The following RBFOX1 variants were observed in gnomAD, a reference collection of about 807,000 sequenced individuals.
The protein encoded by RBFOX1 is RNA binding fox-1 homolog 1.
RBFOX1 carries 8 observed loss-of-function variants against 57.7 expected under a neutral mutation model. The ratio of observed to expected loss-of-function variants is 0.14; its 90% confidence interval spans 0.08 to 0.25. RBFOX1 has a LOEUF of 0.25. Among genes scored for constraint, RBFOX1 ranks in the 10% least tolerant of loss-of-function variants. RBFOX1 has a pLI of 1.00. For missense variants in RBFOX1, 611 were observed against 548.5 expected, an observed-to-expected ratio of 1.11 and a Z score of -1.14; for synonymous variants, 326 against 222.4, an observed-to-expected ratio of 1.47 and a Z score of -4.15.
chr16:7,623,604 A>G (rs1434947858), intron 10 of RBFOX1, among the ~76,000 whole-genome samples: 2 of 152,200 alleles, frequency 1.3e-5, no homozygotes, highest in Admixed American at 6.5e-5. Flanking sequence ...GCGGCTGTCA[A>G]TACACATGAA....
intron 3 of RBFOX1, among the ~76,000 whole-genome samples, chr16:6,897,125 C>T (rs968477176): frequency 6.6e-6 from 1 of 152,124 alleles, no homozygotes; most frequent in African/African-American, 2.4e-5. Flanking sequence ...CATAAGAAAA[C>T]CATTGCTGAC....
chr16:5,840,718 A>G (rs935959408), intron 3 of RBFOX1, among the ~76,000 whole-genome samples: 1 of 152,166 alleles, frequency 6.6e-6, no homozygotes, highest in African/African-American at 2.4e-5. Flanking sequence ...GTGAAGCAGA[A>G]GGAGCCTTCT....
intron 4 of RBFOX1, among the ~76,000 whole-genome samples, chr16:7,430,643 G>A (rs2098669947): frequency 7.1e-6 from 1 of 140,672 alleles, no homozygotes; most frequent in Admixed American, 7.4e-5. Flanking sequence ...CTGGGTGACA[G>A]AGTGAGACTC....
At chr16:7,249,228 G>A (rs983819233) in intron 4 of RBFOX1, among the ~76,000 whole-genome samples, 1 of 152,154 alleles carries the variant, frequency 6.6e-6, no homozygotes, top group African/African-American at 2.4e-5. Flanking sequence ...GGGTGGGTTT[G>A]TTTCCATTCC....
rs1429718954 is a variant in RBFOX1, at chr16:7,711,758, C to A, written c.*1013C>A. 1 of 152,570 alleles carries A rather than the reference C, an allele frequency of 6.6e-6. No homozygotes were observed. The highest frequency in any genetic ancestry group is 1.5e-5 in the Non-Finnish European group (1 of 68,032). The allele number at this position is 152,570 out of a possible 1,614,324, so 9.5% of individuals were successfully genotyped here. ...AGCCTAGTAGAACAACTGTTAGAGA[C>A]AGACGTATAATTTTTATGGAATTAC... is the stretch of plus-strand genomic sequence containing the variant. On this transcript the variant is annotated 3_prime_UTR_variant, in exon 16 of 16. Coordinates refer to ENST00000550418, the MANE Select transcript of RBFOX1 (RefSeq NM_018723.4).
In RBFOX1 at chr16:6,870,188, C is replaced by G. The variant is rs903278990; in HGVS notation, c.-15-181869C>G. Among the ~76,000 whole-genome samples the G allele has an allele frequency of 2.8e-4, 43 of 152,026 alleles. 2 individuals are homozygous for G. Among genetic ancestry groups the G allele is most frequent in the Admixed American group, 2.1e-3 (32 of 15,250 alleles). ...ATGAGTTTAGGGTTTGGCCCGAAAA[C>G]CTTATTTCATCTAGAATTTTGCAGG... On this transcript the variant is annotated intron_variant, in intron 3 of 15. Transcript: ENST00000550418.
intron 1 of RBFOX1, among the ~76,000 whole-genome samples, chr16:6,054,624 T>A (rs1035332755): frequency 1.3e-5 from 2 of 152,144 alleles, no homozygotes; most frequent in African/African-American, 2.4e-5. Flanking sequence ...AAATCATGAG[T>A]TTCTTCTTGT....
chr16:5,468,711 A>G (rs77726343), intron 2 of RBFOX1, among the ~76,000 whole-genome samples: 20,305 of 152,254 alleles, frequency 0.13, 1,448 homozygotes, highest in Middle Eastern at 0.26. Context: ...CATAAAAAGG[A>G]AGGAAGCAGA....
chr16:5,871,842 A>T (rs1264890125), intron 4 of RBFOX1, among the ~76,000 whole-genome samples: 1 of 152,232 alleles, frequency 6.6e-6, no homozygotes, highest in East Asian at 1.9e-4. Flanking sequence ...CAATTTTGAT[A>T]AATTGGCCTG....
At chr16:5,935,762 G>A (rs1023338175) in intron 4 of RBFOX1, among the ~76,000 whole-genome samples, 9 of 152,316 alleles carry the variant, frequency 5.9e-5, no homozygotes, top group Non-Finnish European at 1.0e-4. Context: ...TCTACTTAGC[G>A]GCAGGGCCAG....
At chr16:6,092,919 C>T (rs944759087) in intron 1 of RBFOX1, 2 of 151,852 alleles carry the variant, frequency 1.3e-5, no homozygotes, top group Non-Finnish European at 2.9e-5. Context: ...TTTTTAATTC[C>T]TATGGTGGGA....
intron 1 of RBFOX1, among the ~76,000 whole-genome samples, chr16:5,344,828 A>G (rs1476047443): frequency 6.6e-6 from 1 of 152,232 alleles, no homozygotes; most frequent in Non-Finnish European, 1.5e-5. Context: ...AAATAGGGCC[A>G]CTGCAGGTCA....
At chr16:5,652,035 G>T (rs2049257720) in intron 3 of RBFOX1, among the ~76,000 whole-genome samples, 1 of 152,128 alleles carries the variant, frequency 6.6e-6, no homozygotes, top group South Asian at 2.1e-4. Context: ...TTGGGAGGCT[G>T]AGGCACAGGA....
intron 4 of RBFOX1, among the ~76,000 whole-genome samples, chr16:7,270,940 G>T (rs2095305142): frequency 6.6e-6 from 1 of 152,150 alleles, no homozygotes; most frequent in Non-Finnish European, 1.5e-5. Flanking sequence ...GAGACTTAGG[G>T]GTTACGGTGG....
chr16:5,922,864 T>G (rs1236935478), intron 4 of RBFOX1, among the ~76,000 whole-genome samples: 1 of 152,216 alleles, frequency 6.6e-6, no homozygotes, highest in African/African-American at 2.4e-5. Flanking sequence ...TTTGAAAGAT[T>G]GCAACCACTG....
intron 4 of RBFOX1, among the ~76,000 whole-genome samples, chr16:5,989,075 C>T (rs1367224422): frequency 6.6e-6 from 1 of 151,532 alleles, no homozygotes; most frequent in Non-Finnish European, 1.5e-5. Context: ...AATCCCAGCA[C>T]TTTGGGAGGC....
rs895534998 is a variant in RBFOX1 at position 6,959,433 on chromosome 16, G to A, written c.-15-92624G>A. Among the ~76,000 whole-genome samples the A allele has an allele frequency of 1.3e-4, 20 of 152,340 alleles. 1 individual carries two copies. Among genetic ancestry groups the A allele is most frequent in the African/African-American group, 4.3e-4 (18 of 41,584 alleles). ...TGTACTTCACGCTTATCACAGCAGGGATGAAGGCAGAAGTTGGAATAAAAT... is the reference window on the plus strand; with the variant it reads ...TGTACTTCACGCTTATCACAGCAGGAATGAAGGCAGAAGTTGGAATAAAAT... On this transcript the variant is annotated intron_variant, in intron 3 of 15. Transcript: ENST00000550418.
chr16:6,626,196 C>A (rs1450195250), intron 2 of RBFOX1, among the ~76,000 whole-genome samples: 1 of 148,762 alleles, frequency 6.7e-6, no homozygotes, highest in Non-Finnish European at 1.5e-5. Flanking sequence ...TGACCTTCTG[C>A]TGTCCATCAG....
chr16:6,107,169 G>C lies in RBFOX1; in HGVS notation c.-127+87177G>C, dbSNP rs117203441. Among the ~76,000 whole-genome samples, 1,240 of 152,046 alleles carry C rather than the reference G, an allele frequency of 8.2e-3. 31 individuals carry two copies. In the East Asian group the frequency reaches 0.087, roughly 11 times the overall value. On this transcript the variant is annotated intron_variant, in intron 1 of 15. Coordinates refer to ENST00000550418, the MANE Select transcript of RBFOX1 (RefSeq NM_018723.4). ...TTTGTTTTTTTGTTTTTTTAGTTAT[G>C]GGCCTTGCCATTGGTTTCTTCTGGG... is the stretch of plus-strand genomic sequence containing the variant.
Sources: allele counts gnomAD v4.1 joint callset (sites outside exome capture counted in the v4.1 genomes callset), GRCh38; gene constraint gnomAD v4.1.1; transcripts MANE v1.5; gene names NCBI Gene and HGNC (gene_info 2026-07-23, HGNC 2026-07-21).